The following SLC14A2 variants were observed in gnomAD, a reference collection of about 807,000 sequenced individuals.
SLC14A2 encodes solute carrier family 14 member 2.
SLC14A2 carries 91 observed loss-of-function variants against 104.6 expected under a neutral mutation model. The observed-to-expected ratio is 0.87, with a 90% CI of 0.73 to 1.04. The LOEUF is 1.04. Among genes scored for constraint, SLC14A2 ranks in the 50% least tolerant of loss-of-function variants. SLC14A2 has a pLI of 0.00. For missense variants in SLC14A2, 1,189 were observed against 1,156.0 expected, an observed-to-expected ratio of 1.03 and a Z score of -0.41; for synonymous variants, 476 against 466.4, an observed-to-expected ratio of 1.02 and a Z score of -0.27.
At chr18:45,403,106 G>A (rs1485394444) in intron 1 of SLC14A2, among the ~76,000 whole-genome samples, 1 of 152,146 alleles carries the variant, frequency 6.6e-6, no homozygotes, top group Non-Finnish European at 1.5e-5. Flanking sequence ...GTCCCAACAG[G>A]GTTAGTTTCT....
At chr18:45,316,823 A>T (rs1027110763) in intron 1 of SLC14A2, among the ~76,000 whole-genome samples, 2 of 152,166 alleles carry the variant, frequency 1.3e-5, no homozygotes, top group Non-Finnish European at 2.9e-5. Context: ...CAGTTCAAGG[A>T]CAGTGCTCCA....
intron 1 of SLC14A2, among the ~76,000 whole-genome samples, chr18:45,280,873 A>G (rs781664378): frequency 2.6e-4 from 40 of 152,128 alleles, no homozygotes; most frequent in Non-Finnish European, 4.9e-4. Context: ...TGCCACCAGC[A>G]TCCCACCATC....
chr18:45,457,030 G>A lies in SLC14A2; in HGVS notation c.-124-26203G>A, dbSNP rs867442542. Among the ~76,000 whole-genome samples the A allele has an allele frequency of 3.3e-5, 5 of 152,150 alleles. No homozygotes were observed. In the Middle Eastern group the frequency reaches 0.017, roughly 518 times the overall value. ...GGACCTGGAGACCTCAGGGCTGCCA[G>A]GATCTCCTCCTAGTTAGGGAGCACA... On this transcript the variant is annotated intron_variant, in intron 1 of 20. Transcript: ENST00000586448.
rs1293361787 is a variant in SLC14A2, at chr18:45,258,789, G to A, written c.-125+45598G>A. Among the ~76,000 whole-genome samples the A allele has an allele frequency of 5.8e-5, 6 of 103,178 alleles. 2 individuals carry two copies. Among genetic ancestry groups the A allele is most frequent in the African/African-American group, 2.8e-4 (6 of 21,592 alleles). The allele number at this position is 103,178 out of a possible 152,430, so 67.7% of individuals were successfully genotyped here. A position where few individuals can be genotyped will look rare whatever the true frequency, so the allele number is the denominator to read the frequency against. On this transcript the variant is annotated intron_variant, in intron 1 of 20. Transcript: ENST00000586448. ...ATCCCCATGACAGCTCAGTGAGGGA[G>A]ATGGAAGTTGTCTCTCCCCTTTCCA...
rs570751896 is a variant in SLC14A2, at chr18:45,604,058, C to A, written c.-34-20573C>A. On this transcript the variant is annotated intron_variant, in intron 2 of 20. Transcript: ENST00000586448. ...CTCCTGGTCACAGACACTTCTGCAA[C>A]AGGAATAAGCTGATTATTTATTACT... Among the ~76,000 whole-genome samples the A allele has an allele frequency of 4.6e-5, 7 of 152,350 alleles. No homozygotes were observed. The East Asian group carries it at 1.3e-3, about 29-fold the overall frequency.
At chr18:45,552,595 T>C (rs1259648712) in intron 2 of SLC14A2, among the ~76,000 whole-genome samples, 1 of 151,950 alleles carries the variant, frequency 6.6e-6, no homozygotes, top group Non-Finnish European at 1.5e-5. Context: ...AACCATGAAG[T>C]TATGTGGTGC....
intron 17 of SLC14A2, 50 bp from the exon 18 acceptor site, chr18:45,673,632 TG>T (rs1173021557): frequency 6.3e-7 from 1 of 1,583,126 alleles, no homozygotes; most frequent in East Asian, 2.3e-5. Flanking sequence ...GGCCAGCAGA[TG>T]GGCCCCATAA....
At chr18:45,623,285 T>G (rs1478776264) in intron 1 of SLC14A2, among the ~76,000 whole-genome samples, 3 of 152,138 alleles carry the variant, frequency 2.0e-5, no homozygotes, top group Admixed American at 1.3e-4. Context: ...ATGAAAAGGT[T>G]CACTGGAGAT....
intron 1 of SLC14A2, among the ~76,000 whole-genome samples, chr18:45,304,765 A>G (rs185980836): frequency 6.6e-6 from 1 of 152,332 alleles, no homozygotes; most frequent in East Asian, 1.9e-4. Context: ...GATGTAGATA[A>G]CAGTCAGGAT....
chr18:45,668,820 AC>A (rs2046078191), intron 15 of SLC14A2, among the ~76,000 whole-genome samples: 1 of 151,774 alleles, frequency 6.6e-6, no homozygotes. Flanking sequence ...ACCCTCCCCT[AC>A]CCCGGCTTTT....
Position 45,669,370 on chromosome 18 carries a change from C to T in SLC14A2, c.2101C>T (p.Pro701Ser), listed in dbSNP as rs2046088869. The change falls in exon 16 of 20, where the codon CCC becomes TCC. Residue 701 changes from proline (P) to serine (S), a missense_variant. By Grantham distance (74) the Pro-to-Ser change is moderately conservative. Transcript: ENST00000255226. ...GTGGGACCTCCCAGTCTTCACACTG[C>T]CCTTCAATATCACTGTGACTTTGTA... ...SKWDLPVFTLPFNITVTLYLA... is the reference protein window; with the variant it reads ...SKWDLPVFTLSFNITVTLYLA... The T allele has an allele frequency of 6.2e-7, 1 of 1,614,102 alleles. No homozygotes were observed. Among genetic ancestry groups the T allele is most frequent in the African/African-American group, 1.3e-5 (1 of 75,052 alleles).
intron 1 of SLC14A2, among the ~76,000 whole-genome samples, chr18:45,396,232 T>A (rs1321873828): frequency 1.3e-5 from 2 of 152,208 alleles, no homozygotes; most frequent in Non-Finnish European, 2.9e-5. Context: ...TGAGACTTAT[T>A]TGTCATCCAA....
chr18:45,475,595 T>C (rs1168539619), intron 1 of SLC14A2, among the ~76,000 whole-genome samples: 2 of 140,862 alleles, frequency 1.4e-5, no homozygotes, highest in Admixed American at 7.3e-5. Context: ...TATAGATATA[T>C]GTTTAGGTTA....
At chr18:45,168,538 A>T in the SLC14A2 span, 1 of 152,238 alleles carries the variant, frequency 6.6e-6, no homozygotes, top group Non-Finnish European at 1.5e-5. Context: ...GCATATAAGC[A>T]GCACTCAGTA....
intron 1 of SLC14A2, among the ~76,000 whole-genome samples, chr18:45,422,603 G>A (rs2086365272): frequency 6.6e-6 from 1 of 152,178 alleles, no homozygotes; most frequent in South Asian, 2.1e-4. Context: ...CCACAGAGCA[G>A]CCTGTGAGAG....
chr18:45,643,905 T>A, intron 9 of SLC14A2, 81 bp from the exon 10 acceptor site: 1 of 1,251,364 alleles, frequency 8.0e-7, no homozygotes, highest in Non-Finnish European at 1.1e-6. Context: ...TCAACGCCTG[T>A]CACATCCTTC....
chr18:45,180,684 C>T, the SLC14A2 span, among the ~76,000 whole-genome samples: 1 of 152,108 alleles, frequency 6.6e-6, no homozygotes, highest in Non-Finnish European at 1.5e-5. Context: ...CCATATTCAA[C>T]TTAGGATTCA....
rs188064187 is a variant in SLC14A2, at chr18:45,544,166, A to T, written c.-35+60844A>T. Among the ~76,000 whole-genome samples the T allele has an allele frequency of 3.3e-4, 51 of 152,358 alleles. 2 individuals carry two copies. Among genetic ancestry groups the T allele is most frequent in the South Asian group, 3.3e-3 (16 of 4,830 alleles). On this transcript the variant is annotated intron_variant, in intron 2 of 20. Transcript: ENST00000586448. ...GCTGTAATAAATCTTAGCAATGAGT[A>T]TGATAGTATACTGAGTCCTTTAAGT...
At chr18:45,553,849 G>A (rs2044089784) in intron 2 of SLC14A2, among the ~76,000 whole-genome samples, 1 of 152,058 alleles carries the variant, frequency 6.6e-6, no homozygotes. Flanking sequence ...CCCTCCTAAA[G>A]TCAGTCTTGG....
Sources: allele counts gnomAD v4.1 joint callset (sites outside exome capture counted in the v4.1 genomes callset), GRCh38; gene constraint gnomAD v4.1.1; transcripts MANE v1.5; gene names NCBI Gene and HGNC (gene_info 2026-07-23, HGNC 2026-07-21).